Variants in MCM9 observed in about 807,000 individuals in gnomAD.
MCM9 encodes minichromosome maintenance 9 homologous recombination repair factor.
In MCM9, 55 loss-of-function variants were observed where a neutral mutation model predicts 72.8. That is an observed-to-expected ratio of 0.76 (90% CI 0.61 to 0.95). The LOEUF is 0.95. Among genes scored for constraint, MCM9 ranks in the 40% least tolerant of loss-of-function variants. MCM9 has a pLI of 0.00. For missense variants in MCM9, 1,279 were observed against 1,377.0 expected, an observed-to-expected ratio of 0.93 and a Z score of 1.13; for synonymous variants, 480 against 503.4, an observed-to-expected ratio of 0.95 and a Z score of 0.62.
At position 118,933,665 on chromosome 6, in the gene MCM9, T is replaced by G. The variant is rs115097178; in HGVS notation, c.-149-925A>C. Among the ~76,000 whole-genome samples, 734 of 152,246 alleles carry G rather than the reference T, an allele frequency of 4.8e-3. 7 individuals are homozygous for G. Among genetic ancestry groups the G allele is most frequent in the African/African-American group, 0.017 (713 of 41,552 alleles). ...AGGAGACTGCTATAAAGTTCACAGT[T>G]TATCATCCTAAGTACGTGTTATACA... On this transcript the variant is annotated intron_variant, in intron 1 of 13. Coordinates refer to ENST00000619706, the MANE Select transcript of MCM9 (RefSeq NM_017696.3).
intron 9 of MCM9, among the ~76,000 whole-genome samples, chr6:118,848,105 A>G (rs1775995152): frequency 6.6e-6 from 1 of 151,914 alleles, no homozygotes; most frequent in South Asian, 2.1e-4. Context: ...CCCTCCCAAA[A>G]AGACCAATGG....
rs1336853615 is a variant in MCM9 at position 118,826,127 on chromosome 6, T to C, written c.1961+20A>G. On this transcript the variant is annotated intron_variant, in intron 13 of 13. Transcript: ENST00000619706. ...ACAAGGATTTTCCATTGTATGCCTT[T>C]CTGGGTTTTCATTCCTCACCTTTCA... 1.9e-6 allele frequency: 3 copies of C among 1,541,384 alleles called. No homozygotes were observed. Among genetic ancestry groups the C allele is most frequent in the Non-Finnish European group, 2.6e-6 (3 of 1,143,956 alleles).
intron 8 of MCM9, among the ~76,000 whole-genome samples, chr6:118,904,673 T>C (rs1780050038): frequency 6.6e-6 from 1 of 152,232 alleles, no homozygotes; most frequent in African/African-American, 2.4e-5. Flanking sequence ...TAAAACAAGG[T>C]CTTTGACATC....
intron 8 of MCM9, among the ~76,000 whole-genome samples, chr6:118,864,070 T>C (rs1777067862): frequency 6.6e-6 from 1 of 152,130 alleles, no homozygotes; most frequent in African/African-American, 2.4e-5. Flanking sequence ...TTTTATTTTT[T>C]ATTTCAATAG....
chr6:118,846,313 GAAAT>G (rs1775859234), intron 9 of MCM9, among the ~76,000 whole-genome samples: 1 of 151,776 alleles, frequency 6.6e-6, no homozygotes, highest in Non-Finnish European at 1.5e-5. Context: ...TATAAATAGA[GAAAT>G]AAACACCAGA....
At chr6:118,847,418 T>A (rs1240534017) in intron 9 of MCM9, among the ~76,000 whole-genome samples, 4 of 59,624 alleles carry the variant, frequency 6.7e-5, no homozygotes, top group Non-Finnish European at 9.6e-5. Flanking sequence ...GCCCCATGAA[T>A]CTTCAAAAAA....
chr6:118,826,037 A>C (rs1774145623), intron 13 of MCM9, 110 bp downstream of exon 13: 6 of 1,200,628 alleles, frequency 5.0e-6, no homozygotes, highest in Non-Finnish European at 6.9e-6. Context: ...GAACTTACTG[A>C]CCCAACACCT....
At chr6:118,841,704 C>T (rs555585562) in intron 9 of MCM9, among the ~76,000 whole-genome samples, 22 of 152,256 alleles carry the variant, frequency 1.4e-4, no homozygotes, top group Middle Eastern at 3.4e-3. Flanking sequence ...TGTCTTGTTA[C>T]ACGGTTGTGA....
chr6:118,856,562 GC>G lies in MCM9; in HGVS notation c.1151-18del. On this transcript the variant is annotated intron_variant, in intron 8 of 13. Coordinates refer to ENST00000619706, the MANE Select transcript of MCM9 (RefSeq NM_017696.3). ...CCGTCAGACCTGAGGAAACAAGCAA[GC>G]CATATCAACTTTTATTTTCAAAAGC... 6.5e-7 allele frequency: 1 copy of G among 1,534,846 alleles called. No individual in the cohort carries two copies. The highest frequency in any genetic ancestry group is 8.7e-7 in the Non-Finnish European group (1 of 1,146,586).
chr6:118,825,097 G>C (rs1024426719), intron 13 of MCM9, among the ~76,000 whole-genome samples: 5 of 152,042 alleles, frequency 3.3e-5, no homozygotes, highest in African/African-American at 1.2e-4. Context: ...GTCAGTTTCT[G>C]GTAGCTTGGA....
chr6:118,926,312 C>A (rs917614670), intron 3 of MCM9, among the ~76,000 whole-genome samples: 1 of 152,202 alleles, frequency 6.6e-6, no homozygotes. Flanking sequence ...TGAACATACT[C>A]AGAATACTAA....
intron 8 of MCM9, among the ~76,000 whole-genome samples, chr6:118,897,171 A>G (rs1476796815): frequency 6.6e-6 from 1 of 152,172 alleles, no homozygotes; most frequent in South Asian, 2.1e-4. Context: ...AATTTTCTTA[A>G]TAAGTTATTT....
chr6:118,927,042 A>G (rs566657602), intron 3 of MCM9, among the ~76,000 whole-genome samples: 144 of 152,316 alleles, frequency 9.5e-4, no homozygotes, highest in Middle Eastern at 3.4e-3. Flanking sequence ...GCTTTAACAA[A>G]AATTCTTTGG....
chr6:118,819,449 C>T (rs1426823769), intron 13 of MCM9, among the ~76,000 whole-genome samples: 1 of 152,156 alleles, frequency 6.6e-6, no homozygotes, highest in African/African-American at 2.4e-5. Context: ...TTGAACCAGC[C>T]TTGCATCCCA....
At position 118,875,069 on chromosome 6, in the gene MCM9, C is replaced by T. The variant is rs191945370; in HGVS notation, c.1151-18524G>A. ...CAGAGGTTGCAGTGAGCCAAGATCG[C>T]GCCATTGCACTCCAGCCTGGGTGAC... On this transcript the variant is annotated intron_variant, in intron 8 of 13. Coordinates refer to ENST00000619706, the MANE Select transcript of MCM9 (RefSeq NM_017696.3). Among the ~76,000 whole-genome samples, 38 of 152,176 alleles carry T rather than the reference C, an allele frequency of 2.5e-4. No individual in the cohort carries two copies. In the East Asian group the frequency reaches 5.6e-3, roughly 23 times the overall value.
At chr6:118,890,792 G>A (rs1359171819) in intron 8 of MCM9, among the ~76,000 whole-genome samples, 4 of 151,934 alleles carry the variant, frequency 2.6e-5, no homozygotes, top group Admixed American at 6.6e-5. Flanking sequence ...TAAATAAAAA[G>A]GAGCCTCTTA....
chr6:118,819,016 T>C (rs1200504325), intron 13 of MCM9, among the ~76,000 whole-genome samples: 2 of 152,340 alleles, frequency 1.3e-5, no homozygotes, highest in East Asian at 1.9e-4. Flanking sequence ...TAAGGAGTTT[T>C]GGGGTGAGAT....
intron 8 of MCM9, among the ~76,000 whole-genome samples, chr6:118,904,179 A>G (rs1003661077): frequency 3.9e-5 from 6 of 152,306 alleles, no homozygotes; most frequent in Non-Finnish European, 7.4e-5. Context: ...ATTCTAAGCA[A>G]TATTCCAGAT....
chr6:118,883,069 C>CAAAAAA (rs36162403), intron 8 of MCM9, among the ~76,000 whole-genome samples: 9 of 46,154 alleles, frequency 1.9e-4, no homozygotes, highest in African/African-American at 2.2e-4. Flanking sequence ...CTCAAAGATG[C>CAAAAAA]AAAAAAAAAA....
Sources: gnomAD v4.1 joint callset for allele counts (sites outside exome capture counted in the v4.1 genomes callset) on GRCh38, gnomAD v4.1.1 for gene constraint, MANE v1.5 for transcripts, NCBI Gene and HGNC (gene_info 2026-07-23, HGNC 2026-07-21) for gene names.